Variants in AATK observed in about 807,000 individuals in gnomAD.
AATK encodes the protein serine/threonine-protein kinase LMTK1.
In AATK, 91 loss-of-function variants were observed where a neutral mutation model predicts 114.3. The observed-to-expected ratio is 0.80, with a 90% CI of 0.67 to 0.95. AATK has a LOEUF of 0.95. Among genes scored for constraint, AATK ranks in the 40% least tolerant of loss-of-function variants. The pLI is 0.00. For synonymous variants in AATK, 1,075 were observed against 916.5 expected, an observed-to-expected ratio of 1.17 and a Z score of -3.12; for missense variants, 2,176 against 1,965.2, an observed-to-expected ratio of 1.11 and a Z score of -2.03.
At chr17:81,161,136 G>A (rs971847752) in intron 1 of AATK, among the ~76,000 whole-genome samples, 1 of 152,222 alleles carries the variant, frequency 6.6e-6, no homozygotes, top group Non-Finnish European at 1.5e-5. Flanking sequence ...CCCCAGATGT[G>A]TGTCCTGGGA....
chr17:81,134,347 C>T (rs756050055), intron 2 of AATK, 21 bp downstream of exon 2: 12 of 1,612,076 alleles, frequency 7.4e-6, no homozygotes, highest in Non-Finnish European at 1.0e-5. Flanking sequence ...CACGACAGCT[C>T]CCGCGGCCCC....
At chr17:81,134,219 C>CA (rs2060977549) in intron 2 of AATK, 149 bp downstream of exon 2, 1 of 1,039,446 alleles carries the variant, frequency 9.6e-7, no homozygotes, top group African/African-American at 1.6e-5. Context: ...GGCCAGGGTC[C>CA]ACGTGGTCCC....
At chr17:81,153,485 G>T (rs1383173182) in intron 1 of AATK, among the ~76,000 whole-genome samples, 1 of 152,218 alleles carries the variant, frequency 6.6e-6, no homozygotes, top group African/African-American at 2.4e-5. Context: ...CTGCGTGGGT[G>T]TTCCTCCCAG....
chr17:81,148,742 GCA>G (rs926166544), intron 1 of AATK, among the ~76,000 whole-genome samples: 2 of 152,150 alleles, frequency 1.3e-5, no homozygotes, highest in Non-Finnish European at 2.9e-5. Context: ...TCAGACACAT[GCA>G]CACACACAAA....
rs530755124 is a variant in AATK, at chr17:81,120,779, C to G, written c.3157G>C (p.Gly1053Arg). The G allele has an allele frequency of 1.3e-5, 20 of 1,568,168 alleles. No individual in the cohort carries two copies. Among genetic ancestry groups the G allele is most frequent in the Non-Finnish European group, 1.7e-6 (2 of 1,157,242 alleles). The change falls in exon 11 of 14, where the codon GGG becomes CGG. Residue 1053 changes from glycine (G) to arginine (R), a missense_variant. Coordinates refer to ENST00000326724, the MANE Select transcript of AATK (RefSeq NM_001080395.3). ...TGCAGCAGTGGGGGCAGCACCTCCC[C>G]GGGGCCAGAGCCTTGTGCCTCCCCG... Reference protein sequence around the residue: ...VSGEAQGSGPGEVLPPLLQLE... With the variant: ...VSGEAQGSGPREVLPPLLQLE...
chr17:81,142,341 C>T lies in AATK; in HGVS notation c.56-7840G>A, dbSNP rs1486270604. On this transcript the variant is annotated intron_variant, in intron 1 of 13. Coordinates refer to ENST00000326724, the MANE Select transcript of AATK (RefSeq NM_001080395.3). ...AGGCTGGAGCGCAGTGGTGCAATCA[C>T]GGCTCATGGCAGCCTCAAACTCCTG... Among the ~76,000 whole-genome samples the T allele has an allele frequency of 2.6e-5, 4 of 151,750 alleles. No homozygotes were observed. In the East Asian group the frequency reaches 5.8e-4, roughly 22 times the overall value.
intron 1 of AATK, among the ~76,000 whole-genome samples, chr17:81,147,872 C>T (rs757995144): frequency 1.8e-4 from 27 of 152,110 alleles, no homozygotes; most frequent in Admixed American, 3.9e-4. Flanking sequence ...GTCATCGTGA[C>T]TGTAGGGCCT....
chr17:81,122,884 G>A, intron 10 of AATK, 61 bp from the exon 11 acceptor site: 1 of 1,360,584 alleles, frequency 7.3e-7, no homozygotes, highest in Non-Finnish European at 9.7e-7. Context: ...CGCGTCCCTG[G>A]AGCAGGGATG....
In AATK at chr17:81,128,535, AC is replaced by A; in HGVS notation, c.348del (p.Lys116AsnfsTer13). 13 of 1,549,140 alleles carry A rather than the reference AC, an allele frequency of 8.4e-6. No individual in the cohort carries two copies. Among genetic ancestry groups the A allele is most frequent in the Non-Finnish European group, 1.1e-5 (13 of 1,146,852 alleles). ...AGGCTGTGCCGGCCCACGTCTGTGG[AC>A]TTGAGGAGCTGCACTGTAACCAAGC... Reference protein sequence around the residue: ...KQPGRSVQLLKSTDVGRHSLL... With the variant: ...KQPGRSVQLLXSTDVGRHSLL... On this transcript the variant is annotated frameshift_variant, in exon 4 of 14. Transcript: ENST00000326724. LOFTEE classifies it high-confidence loss of function.
rs35731140 is a variant in AATK at position 81,148,064 on chromosome 17, CAAAAA to C, written c.56-13568_56-13564del. Among the ~76,000 whole-genome samples the C allele has an allele frequency of 6.5e-3, 665 of 101,784 alleles. 5 individuals carry two copies. Among genetic ancestry groups the C allele is most frequent in the African/African-American group, 0.024 (609 of 25,422 alleles). 66.8% of individuals were successfully genotyped at this position (101,784 alleles called of 152,430 possible). A position where few individuals can be genotyped will look rare whatever the true frequency, so the allele number is the denominator to read the frequency against. ...TTACAAATCCTGATCACAACTTTGT[CAAAAA>C]AAAAAAAAAAAAAAAAAAAAGAACA... On this transcript the variant is annotated intron_variant, in intron 1 of 13. Transcript: ENST00000326724.
Position 81,121,016 on chromosome 17 carries a change from CG to C in AATK, c.2919del (p.Glu976ArgfsTer128). On this transcript the variant is annotated frameshift_variant, in exon 11 of 14. Coordinates refer to ENST00000326724, the MANE Select transcript of AATK (RefSeq NM_001080395.3). LOFTEE classifies it high-confidence loss of function. ...FAELASEGEG[P>X]GPETRLSTSL... ...GAGGTGGAGAGCCGTGTCTCGGGCC[CG>C]GGGCCCTCACCCTCTGAGGCCAGCT... is the stretch of plus-strand genomic sequence containing the variant. The C allele has an allele frequency of 6.2e-7, 1 of 1,610,040 alleles. No homozygotes were observed. The highest frequency in any genetic ancestry group is 8.5e-7 in the Non-Finnish European group (1 of 1,178,910).
In AATK at chr17:81,120,444, GTCC is replaced by G. The variant is rs747276632; in HGVS notation, c.3489_3491del (p.Glu1163del). 3.8e-4 allele frequency: 598 copies of G among 1,560,500 alleles called. 1 individual carries two copies. The highest frequency in any genetic ancestry group is 8.9e-4 in the South Asian group (76 of 85,166). ...CGTCAGACTCGTCGCTGTCCTCACT[GTCC>G]TCCTCCTCCTCCTCCGGCCGGCCCT... On this transcript the variant is annotated inframe_deletion, in exon 11 of 14. Transcript: ENST00000326724.
At chr17:81,141,566 G>T (rs1345688226) in intron 1 of AATK, among the ~76,000 whole-genome samples, 1 of 152,218 alleles carries the variant, frequency 6.6e-6, no homozygotes, top group Non-Finnish European at 1.5e-5. Flanking sequence ...CCTTCCAAGG[G>T]GCTCCCCAGC....
chr17:81,119,648 G>C, intron 12 of AATK, 68 bp from the exon 13 acceptor site: 1 of 557,924 alleles, frequency 1.8e-6, no homozygotes. Flanking sequence ...CGCTCCCACA[G>C]TCACGGGCCC....
intron 1 of AATK, among the ~76,000 whole-genome samples, chr17:81,146,155 C>T (rs921774205): frequency 6.7e-6 from 1 of 148,784 alleles, no homozygotes; most frequent in Non-Finnish European, 1.5e-5. Flanking sequence ...CACCATTGTA[C>T]TCCAGCCTAG....
intron 1 of AATK, among the ~76,000 whole-genome samples, chr17:81,160,844 A>G (rs2061422547): frequency 6.6e-6 from 1 of 152,210 alleles, no homozygotes; most frequent in African/African-American, 2.4e-5. Flanking sequence ...ACAGCAGAAC[A>G]GCGTGGTCCC....
intron 1 of AATK, among the ~76,000 whole-genome samples, chr17:81,154,465 C>T (rs1329798445): frequency 1.4e-4 from 21 of 151,242 alleles, no homozygotes; most frequent in Non-Finnish European, 2.7e-4. Context: ...GGATTACAGG[C>T]GCCCACCACC....
At chr17:81,158,308 C>T (rs2061391360) in intron 1 of AATK, among the ~76,000 whole-genome samples, 1 of 152,212 alleles carries the variant, frequency 6.6e-6, no homozygotes, top group Admixed American at 6.5e-5. Context: ...GGGCCAGGAG[C>T]TGCTTTCAGG....
At chr17:81,118,853 C>A (rs1374716763) in intron 13 of AATK, among the ~76,000 whole-genome samples, 1 of 152,226 alleles carries the variant, frequency 6.6e-6, no homozygotes, top group Non-Finnish European at 1.5e-5. Flanking sequence ...AGGGGGCCTT[C>A]TCCGAGGAGG....
Sources: allele counts gnomAD v4.1 joint callset (sites outside exome capture counted in the v4.1 genomes callset), GRCh38; gene constraint gnomAD v4.1.1; transcripts MANE v1.5; gene names NCBI Gene and HGNC (gene_info 2026-07-23, HGNC 2026-07-21).